Variants in CADM2 observed in about 807,000 individuals in gnomAD.
CADM2 encodes immunoglobulin superfamily member 4D.
In CADM2, 12 loss-of-function variants were observed where a neutral mutation model predicts 49.8. The ratio of observed to expected loss-of-function variants is 0.24; its 90% CI spans 0.15 to 0.39. CADM2 has a LOEUF of 0.39. Among genes scored for constraint, CADM2 ranks in the 10% least tolerant of loss-of-function variants. The pLI is 1.00. For missense variants in CADM2, 378 were observed against 492.3 expected (o/e 0.77, Z 2.20); for synonymous variants, 214 against 175.4 (o/e 1.22, Z -1.74).
intron 1 of CADM2, among the ~76,000 whole-genome samples, chr3:85,058,987 A>G (rs753473086): frequency 6.6e-5 from 10 of 151,770 alleles, no homozygotes; most frequent in Non-Finnish European, 1.3e-4. Context: ...CTTAAGGTCT[A>G]TTCAAGAATG....
At chr3:85,340,024 A>G (rs1231754020) in intron 1 of CADM2, among the ~76,000 whole-genome samples, 2 of 151,456 alleles carry the variant, frequency 1.3e-5, no homozygotes, top group African/African-American at 4.8e-5. Flanking sequence ...GGAAAATACA[A>G]TATATTTTCT....
intron 1 of CADM2, among the ~76,000 whole-genome samples, chr3:85,451,975 C>T (rs779948572): frequency 2.0e-5 from 3 of 152,084 alleles, no homozygotes; most frequent in Non-Finnish European, 4.4e-5. Flanking sequence ...AGTTCACTCT[C>T]GGGCAAGTCT....
intron 1 of CADM2, among the ~76,000 whole-genome samples, chr3:85,292,470 A>G (rs1463261321): frequency 6.6e-6 from 1 of 151,492 alleles, no homozygotes; most frequent in Non-Finnish European, 1.5e-5. Context: ...CTCCACCCCA[A>G]ATCAACAGAA....
chr3:85,671,854 A>G (rs755731379), intron 1 of CADM2, among the ~76,000 whole-genome samples: 1 of 152,118 alleles, frequency 6.6e-6, no homozygotes, highest in Non-Finnish European at 1.5e-5. Flanking sequence ...TCTGTCCCCT[A>G]GTATTTCTTT....
chr3:85,543,572 C>A (rs2061600174), intron 1 of CADM2, among the ~76,000 whole-genome samples: 1 of 152,092 alleles, frequency 6.6e-6, no homozygotes, highest in South Asian at 2.1e-4. Context: ...GCCTGAGCCA[C>A]CGCACCTGGC....
intron 1 of CADM2, among the ~76,000 whole-genome samples, chr3:85,095,199 G>A (rs9819278): frequency 0.45 from 68,875 of 152,028 alleles, 18,058 homozygotes; most frequent in Non-Finnish European, 0.61. Context: ...ATTCCTTTAT[G>A]TTCTTGTAAA....
intron 1 of CADM2, among the ~76,000 whole-genome samples, chr3:85,168,753 A>G (rs1023207272): frequency 6.6e-6 from 1 of 152,100 alleles, no homozygotes; most frequent in African/African-American, 2.4e-5. Context: ...TTCATTTCCA[A>G]TGCAACCTGG....
intron 1 of CADM2, among the ~76,000 whole-genome samples, chr3:85,087,749 T>C (rs924264675): frequency 1.3e-5 from 2 of 152,310 alleles, no homozygotes; most frequent in African/African-American, 4.8e-5. Flanking sequence ...ATAATAAAAC[T>C]ATTCATCATT....
intron 7 of CADM2, among the ~76,000 whole-genome samples, chr3:85,942,175 T>C (rs1722000277): frequency 6.6e-6 from 1 of 151,832 alleles, no homozygotes; most frequent in African/African-American, 2.4e-5. Flanking sequence ...ATTGAAGAGT[T>C]CTAAAAAATT....
chr3:85,400,883 G>A (rs2035072497), intron 1 of CADM2, among the ~76,000 whole-genome samples: 2 of 152,046 alleles, frequency 1.3e-5, no homozygotes, highest in Admixed American at 1.3e-4. Context: ...ATCAACCCCT[G>A]ACATCCTTAC....
chr3:85,422,751 T>A (rs2036232005), intron 1 of CADM2, among the ~76,000 whole-genome samples: 2 of 152,076 alleles, frequency 1.3e-5, no homozygotes, highest in African/African-American at 2.4e-5. Flanking sequence ...GGTGTGTCTT[T>A]TTTATTTGGC....
chr3:86,066,214 T>C (rs921023871), intron 9 of CADM2, among the ~76,000 whole-genome samples: 12 of 151,350 alleles, frequency 7.9e-5, no homozygotes, highest in Admixed American at 2.0e-4. Context: ...CAAAATGTAG[T>C]CCCAGCTACT....
chr3:85,246,111 C>T (rs1559740782), intron 1 of CADM2, among the ~76,000 whole-genome samples: 1 of 152,106 alleles, frequency 6.6e-6, no homozygotes, highest in Non-Finnish European at 1.5e-5. Context: ...TTCTACTATG[C>T]AGCCATAAAA....
chr3:85,282,734 T>G (rs2043535506), intron 1 of CADM2, among the ~76,000 whole-genome samples: 1 of 152,132 alleles, frequency 6.6e-6, no homozygotes, highest in Admixed American at 6.6e-5. Context: ...TATTTCATTC[T>G]GCATATTTCT....
chr3:85,369,794 A>G (rs893643628), intron 1 of CADM2, among the ~76,000 whole-genome samples: 7 of 152,182 alleles, frequency 4.6e-5, no homozygotes, highest in African/African-American at 1.2e-4. Context: ...TTATTACATC[A>G]GTGTTCAACC....
intron 1 of CADM2, among the ~76,000 whole-genome samples, chr3:85,195,888 G>T (rs998916767): frequency 1.3e-5 from 2 of 152,022 alleles, no homozygotes; most frequent in African/African-American, 2.4e-5. Flanking sequence ...TGAAACAGTT[G>T]TCATTTTAAA....
intron 8 of CADM2, among the ~76,000 whole-genome samples, chr3:85,975,313 T>C (rs1726642509): frequency 6.6e-6 from 1 of 151,528 alleles, no homozygotes; most frequent in South Asian, 2.1e-4. Context: ...AAATTGTCAT[T>C]ACACATTCCT....
chr3:84,991,053 C>T (rs17022167), intron 1 of CADM2, among the ~76,000 whole-genome samples: 8,542 of 152,066 alleles, frequency 0.056, 842 homozygotes, highest in African/African-American at 0.19. Context: ...TTGAATGAGC[C>T]AAATCAACTG....
At chr3:85,754,910 G>T (rs2069037473) in intron 2 of CADM2, among the ~76,000 whole-genome samples, 1 of 152,088 alleles carries the variant, frequency 6.6e-6, no homozygotes, top group African/African-American at 2.4e-5. Context: ...ATAGAAAAAT[G>T]AAATAGAAAT....
Sources: gnomAD v4.1 joint callset for allele counts (sites outside exome capture counted in the v4.1 genomes callset) on GRCh38, gnomAD v4.1.1 for gene constraint, MANE v1.5 for transcripts, NCBI Gene and HGNC (gene_info 2026-07-23, HGNC 2026-07-21) for gene names.